DYM: variants seen among roughly 807,000 people sequenced by gnomAD.
The protein encoded by DYM is dyggve-Melchior-Clausen syndrome protein.
A neutral mutation model predicts 93.1 loss-of-function variants in DYM; 78 were observed. That is an observed-to-expected ratio of 0.84 (90% CI 0.70 to 1.01). The LOEUF (loss-of-function observed/expected upper bound fraction) is 1.01, where lower values mean the gene tolerates loss of function less well. Ranked by LOEUF, DYM falls within the 50% of genes least tolerant of loss-of-function variation. The probability of loss-of-function intolerance (pLI) is 0.00; values close to 1 mark genes in which losing one functional copy is unlikely to be tolerated. For missense variants in DYM, 789 were observed against 845.0 expected, an observed-to-expected ratio of 0.93 and a Z score of 0.82; for synonymous variants, 321 against 319.7, an observed-to-expected ratio of 1.00 and a Z score of -0.04.
chr18:49,063,262 C>T (rs1043635490), intron 17 of DYM, among the ~76,000 whole-genome samples: 2 of 151,878 alleles, frequency 1.3e-5, no homozygotes, highest in East Asian at 1.9e-4. Context: ...TGAGTGAAAC[C>T]GCAAGATTAG....
chr18:49,389,044 T>C (rs965662887), intron 3 of DYM, among the ~76,000 whole-genome samples: 4 of 152,258 alleles, frequency 2.6e-5, no homozygotes, highest in South Asian at 2.1e-4. Context: ...CTTATACTTA[T>C]TGATGTGAAG....
At chr18:49,262,211 G>A (rs1453723364) in intron 11 of DYM, among the ~76,000 whole-genome samples, 1 of 152,132 alleles carries the variant, frequency 6.6e-6, no homozygotes, top group African/African-American at 2.4e-5. Context: ...AGCAGAGACT[G>A]GAGTGATGTA....
chr18:49,152,833 C>T (rs556538666), intron 15 of DYM, among the ~76,000 whole-genome samples: 139 of 152,176 alleles, frequency 9.1e-4, no homozygotes, highest in Non-Finnish European at 1.6e-3. Flanking sequence ...ATGGATAAAC[C>T]TGGAGAACAT....
chr18:49,198,109 T>C (rs2091647862), intron 14 of DYM, among the ~76,000 whole-genome samples: 1 of 152,062 alleles, frequency 6.6e-6, no homozygotes, highest in African/African-American at 2.4e-5. Context: ...TTGACAAACC[T>C]GACAAAAACA....
chr18:49,222,504 G>T (rs1010076528), intron 13 of DYM, among the ~76,000 whole-genome samples: 1 of 152,088 alleles, frequency 6.6e-6, no homozygotes, highest in Non-Finnish European at 1.5e-5. Flanking sequence ...ATGCAGTCCT[G>T]TCAAAAAGAC....
intron 15 of DYM, among the ~76,000 whole-genome samples, chr18:49,144,917 TG>T (rs1489038394): frequency 6.6e-6 from 1 of 151,010 alleles, no homozygotes; most frequent in Non-Finnish European, 1.5e-5. Flanking sequence ...GGCAACACAG[TG>T]GGACCCTGCT....
intron 3 of DYM, among the ~76,000 whole-genome samples, chr18:49,382,076 A>G (rs897746285): frequency 6.6e-6 from 1 of 152,244 alleles, no homozygotes; most frequent in African/African-American, 2.4e-5. Flanking sequence ...TTGTTCATTC[A>G]ACAGCCCCCT....
At chr18:49,257,197 T>A in intron 12 of DYM, 93 bp from the exon 13 acceptor site, 1 of 946,236 alleles carries the variant, frequency 1.1e-6, no homozygotes, top group Non-Finnish European at 1.7e-6. Context: ...GTAAACTCAG[T>A]TGTCACTGAT....
intron 1 of DYM, among the ~76,000 whole-genome samples, chr18:49,456,686 T>G (rs2083011079): frequency 6.6e-6 from 1 of 152,224 alleles, no homozygotes; most frequent in South Asian, 2.1e-4. Context: ...AAACTTTTAC[T>G]AAATAAGACC....
intron 2 of DYM, among the ~76,000 whole-genome samples, chr18:49,397,264 A>G (rs1382569317): frequency 6.6e-6 from 1 of 152,268 alleles, no homozygotes; most frequent in Non-Finnish European, 1.5e-5. Flanking sequence ...CCCATAGATG[A>G]TAAATTAAAA....
intron 9 of DYM, among the ~76,000 whole-genome samples, chr18:49,285,752 G>T (rs192816103): frequency 1.1e-3 from 172 of 152,304 alleles, no homozygotes; most frequent in African/African-American, 3.7e-3. Flanking sequence ...TATACTACAG[G>T]AATCTTGCTT....
At chr18:49,251,600 C>A (rs1046675245) in intron 13 of DYM, among the ~76,000 whole-genome samples, 2 of 152,170 alleles carry the variant, frequency 1.3e-5, no homozygotes, top group Admixed American at 1.3e-4. Flanking sequence ...CCAGCTAATG[C>A]TTACTCAGGG....
chr18:49,151,508 A>AT (rs1434370854), intron 15 of DYM, among the ~76,000 whole-genome samples: 1 of 152,216 alleles, frequency 6.6e-6, no homozygotes, highest in African/African-American at 2.4e-5. Context: ...TGTAATAATA[A>AT]GATACCAGCT....
At chr18:49,215,797 C>T (rs568354170) in intron 13 of DYM, among the ~76,000 whole-genome samples, 22 of 152,322 alleles carry the variant, frequency 1.4e-4, no homozygotes, top group African/African-American at 2.9e-4. Context: ...GGAACAGCTC[C>T]GGTCTACAGC....
intron 2 of DYM, among the ~76,000 whole-genome samples, chr18:49,401,585 G>A (rs1383244813): frequency 1.3e-5 from 2 of 152,054 alleles, no homozygotes; most frequent in Admixed American, 1.3e-4. Flanking sequence ...CTAAGGGATT[G>A]GAGAACTATG....
At chr18:49,098,701 C>T (rs963077806) in intron 16 of DYM, among the ~76,000 whole-genome samples, 2 of 152,198 alleles carry the variant, frequency 1.3e-5, no homozygotes, top group African/African-American at 2.4e-5. Context: ...CTTTTCGCTA[C>T]GTGCCTGTGG....
chr18:49,284,512 C>T, intron 9 of DYM, among the ~76,000 whole-genome samples: 1 of 151,862 alleles, frequency 6.6e-6, no homozygotes. Flanking sequence ...ATACTGAATA[C>T]CTGCTTTGTT....
intron 6 of DYM, among the ~76,000 whole-genome samples, chr18:49,334,812 A>T (rs370077109): frequency 4.6e-5 from 7 of 152,254 alleles, no homozygotes; most frequent in Non-Finnish European, 1.0e-4. Context: ...ACTGATAGAA[A>T]TATGTTTAAA....
At chr18:49,222,011 A>T (rs1248156044) in intron 13 of DYM, among the ~76,000 whole-genome samples, 1 of 151,956 alleles carries the variant, frequency 6.6e-6, no homozygotes, top group African/African-American at 2.4e-5. Context: ...GAAAAAAGAA[A>T]CTAGACAAAG....
Sources: allele counts gnomAD v4.1 joint callset (sites outside exome capture counted in the v4.1 genomes callset), GRCh38; gene constraint gnomAD v4.1.1; transcripts MANE v1.5; gene names NCBI Gene and HGNC (gene_info 2026-07-23, HGNC 2026-07-21).